Variants in NRXN1 observed in about 807,000 individuals in gnomAD.
NRXN1 encodes neurexin-1.
In NRXN1, 39 loss-of-function variants were observed where a neutral mutation model predicts 150.9. The ratio of observed to expected loss-of-function variants is 0.26; its 90% CI spans 0.20 to 0.34. The LOEUF is 0.34. Ranked by LOEUF, NRXN1 falls within the 10% of genes least tolerant of loss-of-function variation. The pLI, the probability that NRXN1 is intolerant of heterozygous loss-of-function variation, is 1.00. For synonymous variants in NRXN1, 924 were observed against 757.0 expected (o/e 1.22, Z -3.62); for missense variants, 1,815 against 1,949.9 (o/e 0.93, Z 1.30).
At chr2:50,748,051 C>T (rs1700198943) in intron 5 of NRXN1, among the ~76,000 whole-genome samples, 1 of 152,180 alleles carries the variant, frequency 6.6e-6, no homozygotes, top group South Asian at 2.1e-4. Flanking sequence ...ACAAGCATCA[C>T]TTCCCTTAGT....
chr2:50,425,252 C>T (rs906074101), intron 17 of NRXN1, among the ~76,000 whole-genome samples: 1 of 152,134 alleles, frequency 6.6e-6, no homozygotes, highest in South Asian at 2.1e-4. Context: ...GAAACTAAGA[C>T]TTTATACTGG....
chr2:50,562,312 AATATATGATAG>A (rs911905276), intron 8 of NRXN1, among the ~76,000 whole-genome samples: 2 of 149,012 alleles, frequency 1.3e-5, no homozygotes, highest in Non-Finnish European at 3.0e-5. Flanking sequence ...AGATTAGACA[AATATATGATAG>A]ATATACGATA....
At chr2:50,953,974 T>C (rs977282230) in intron 2 of NRXN1, among the ~76,000 whole-genome samples, 9 of 152,170 alleles carry the variant, frequency 5.9e-5, no homozygotes, top group Non-Finnish European at 1.2e-4. Context: ...AAACTTTTCA[T>C]AGCTGAATCA....
Position 50,786,424 on chromosome 2 carries a change from C to T in NRXN1, c.832+135445G>A, listed in dbSNP as rs181085290. Among the ~76,000 whole-genome samples the T allele has an allele frequency of 7.9e-5, 12 of 152,164 alleles. No homozygotes were observed. In the South Asian group the frequency reaches 1.2e-3, roughly 16 times the overall value. On this transcript the variant is annotated intron_variant, in intron 5 of 22. Transcript: ENST00000401669. ...TTGTGAAGAAAAGAATGAAGGAAAC[C>T]ACTGCGTGCACTTTTTTTCTCAGCA...
At chr2:50,742,564 C>T (rs1438164524) in intron 5 of NRXN1, among the ~76,000 whole-genome samples, 1 of 148,426 alleles carries the variant, frequency 6.7e-6, no homozygotes, top group Non-Finnish European at 1.5e-5. Context: ...GCCAAGATCA[C>T]GCCACTACAC....
In NRXN1 at chr2:50,627,637, C is replaced by A. The variant is rs1290124053; in HGVS notation, c.833-4022G>T. Among the ~76,000 whole-genome samples, 6 of 151,298 alleles carry A rather than the reference C, an allele frequency of 4.0e-5. No individual in the cohort carries two copies. The Admixed American group carries it at 4.0e-4, about 10-fold the overall frequency. On this transcript the variant is annotated intron_variant, in intron 5 of 22. Coordinates refer to ENST00000401669, the MANE Select transcript of NRXN1 (RefSeq NM_001330078.2). ...ACAGACACACACACACACACACACA[C>A]GAGAGATCCACTTATCTGAATATGG... is the stretch of plus-strand genomic sequence containing the variant.
In NRXN1 at chr2:50,865,658, G is replaced by GTTTTTTTTTTTTTTTTTTTT. The variant is rs71404978; in HGVS notation, c.832+56191_832+56210dup. On this transcript the variant is annotated intron_variant, in intron 5 of 22. Coordinates refer to ENST00000401669, the MANE Select transcript of NRXN1 (RefSeq NM_001330078.2). ...AGTAATTCCCAGTAAGCATTTGAAA[G>GTTTTTTTTTTTTTTTTTTTT]TTTTTTTTTTTTTTTTTTTTTTTTT... is the stretch of plus-strand genomic sequence containing the variant. Among the ~76,000 whole-genome samples the GTTTTTTTTTTTTTTTTTTTT allele has an allele frequency of 6.4e-4, 27 of 41,862 alleles. 8 individuals are homozygous for GTTTTTTTTTTTTTTTTTTTT. The highest frequency in any genetic ancestry group is 1.5e-3 in the East Asian group (2 of 1,374). 27.5% of individuals were successfully genotyped at this position (41,862 alleles called of 152,430 possible). A position where few individuals can be genotyped will look rare whatever the true frequency, so the allele number is the denominator to read the frequency against.
At chr2:49,947,825 C>A (rs371059605) in intron 21 of NRXN1, among the ~76,000 whole-genome samples, 1 of 151,814 alleles carries the variant, frequency 6.6e-6, no homozygotes. Flanking sequence ...TCTATTGTTA[C>A]AAGGATGAAA....
At chr2:50,501,381 G>A (rs1308374278) in intron 13 of NRXN1, among the ~76,000 whole-genome samples, 6 of 126,034 alleles carry the variant, frequency 4.8e-5, no homozygotes, top group Non-Finnish European at 8.1e-5. Flanking sequence ...ACCATGACTC[G>A]TGTATGTGTG....
chr2:49,976,873 A>G (rs1294873656), intron 21 of NRXN1, among the ~76,000 whole-genome samples: 1 of 152,224 alleles, frequency 6.6e-6, no homozygotes, highest in African/African-American at 2.4e-5. Context: ...AGACATGGGC[A>G]AATTAACCTC....
chr2:50,078,713 G>A (rs1387973319), intron 19 of NRXN1, among the ~76,000 whole-genome samples: 1 of 151,944 alleles, frequency 6.6e-6, no homozygotes, highest in Admixed American at 6.6e-5. Context: ...GTAGTTAGAT[G>A]GAACTTATGG....
chr2:49,947,316 A>G (rs1465649138), intron 21 of NRXN1, among the ~76,000 whole-genome samples: 2 of 151,922 alleles, frequency 1.3e-5, no homozygotes, highest in African/African-American at 2.4e-5. Context: ...CTTTAAACCA[A>G]TGGCTCTCAC....
intron 5 of NRXN1, among the ~76,000 whole-genome samples, chr2:50,889,147 A>C (rs1228667590): frequency 6.6e-6 from 1 of 151,648 alleles, no homozygotes; most frequent in East Asian, 1.9e-4. Flanking sequence ...TTGGCAAAGA[A>C]TTTTAGCTTT....
At chr2:50,045,921 C>G (rs2152605420) in intron 21 of NRXN1, among the ~76,000 whole-genome samples, 2 of 152,296 alleles carry the variant, frequency 1.3e-5, no homozygotes, top group Middle Eastern at 6.8e-3. Context: ...GTCTAACTCA[C>G]AGCTGGAAGT....
chr2:50,566,129 G>C (rs1385250080), intron 8 of NRXN1, among the ~76,000 whole-genome samples: 1 of 152,196 alleles, frequency 6.6e-6, no homozygotes, highest in African/African-American at 2.4e-5. Flanking sequence ...CAACTTGGCT[G>C]TCTTCTATTT....
intron 15 of NRXN1, among the ~76,000 whole-genome samples, chr2:50,494,841 T>C (rs2091466699): frequency 6.6e-6 from 1 of 152,040 alleles, no homozygotes; most frequent in Admixed American, 6.6e-5. Flanking sequence ...AAGAGCAGCC[T>C]GACCAACACG....
chr2:50,448,741 C>T (rs1406237032), intron 17 of NRXN1, among the ~76,000 whole-genome samples: 4 of 152,144 alleles, frequency 2.6e-5, no homozygotes, highest in African/African-American at 9.7e-5. Context: ...TGGATTATTA[C>T]CGTTTCCTTT....
chr2:50,051,928 A>G (rs1692776682), intron 21 of NRXN1, among the ~76,000 whole-genome samples: 1 of 152,046 alleles, frequency 6.6e-6, no homozygotes, highest in Non-Finnish European at 1.5e-5. Flanking sequence ...AAGAGAGAAA[A>G]ATGAAAATAA....
chr2:50,895,124 C>T (rs1240021989), intron 5 of NRXN1, among the ~76,000 whole-genome samples: 1 of 152,094 alleles, frequency 6.6e-6, no homozygotes, highest in Non-Finnish European at 1.5e-5. Context: ...GCTATTCCCT[C>T]CCCCAAGTTT....
Sources: gnomAD v4.1 joint callset for allele counts (sites outside exome capture counted in the v4.1 genomes callset) on GRCh38, gnomAD v4.1.1 for gene constraint, MANE v1.5 for transcripts, NCBI Gene and HGNC (gene_info 2026-07-23, HGNC 2026-07-21) for gene names.